FREM1: variants seen among roughly 807,000 people sequenced by gnomAD.
FREM1 encodes FRAS1-related extracellular matrix protein 1.
A neutral mutation model predicts 210.1 loss-of-function variants in FREM1; 220 were observed. The observed-to-expected ratio is 1.05, with a 90% CI of 0.94 to 1.17. FREM1 has a LOEUF of 1.17. Among genes scored for constraint, FREM1 ranks in the 50% most tolerant of loss-of-function variants. The pLI is 0.00. For missense variants in FREM1, 3,454 were observed against 2,675.5 expected (o/e 1.29, Z -6.42); for synonymous variants, 1,189 against 980.2 (o/e 1.21, Z -3.98).
rs1824694686 is a variant in FREM1 at position 14,836,777 on chromosome 9, G to T, written c.1881+4670C>A. On this transcript the variant is annotated intron_variant, in intron 10 of 36. Coordinates refer to ENST00000380880, the MANE Select transcript of FREM1 (RefSeq NM_001379081.2). The surrounding 1 kb of genome is among the most constrained non-coding windows in gnomAD (Gnocchi z 4.9). ...ATCAATCCCAGGAGGAGCCCTAACT[G>T]CTGTTCCCCATTCAACGCCCCTTTT... 6.6e-6 allele frequency among the ~76,000 whole-genome samples: 1 copy of T among 152,168 alleles called. No homozygotes were observed.
chr9:14,774,549 C>G (rs931576578), intron 25 of FREM1, among the ~76,000 whole-genome samples: 14 of 104,936 alleles, frequency 1.3e-4, no homozygotes, highest in Non-Finnish European at 1.1e-4. Context: ...CTCTCTCTCT[C>G]TCTCTCTCTC....
intron 13 of FREM1, among the ~76,000 whole-genome samples, chr9:14,821,292 T>TA (rs1320643854): frequency 2.6e-4 from 39 of 150,702 alleles, no homozygotes; most frequent in Admixed American, 1.9e-3. Flanking sequence ...AAAGTAAAAA[T>TA]AAAAAAAAAG....
At chr9:14,748,882 C>T (rs1340415464) in intron 30 of FREM1, among the ~76,000 whole-genome samples, 1 of 152,132 alleles carries the variant, frequency 6.6e-6, no homozygotes, top group Non-Finnish European at 1.5e-5. Context: ...TTCATAAACC[C>T]CAAATGAAAA....
At chr9:14,797,378 C>G (rs549846993) in intron 21 of FREM1, 120 bp downstream of exon 21, 2 of 687,860 alleles carry the variant, frequency 2.9e-6, no homozygotes, top group South Asian at 4.3e-5. Context: ...CAGGGGCAAG[C>G]TGTGACAGGA....
At chr9:14,796,396 G>A (rs1852394841) in intron 21 of FREM1, among the ~76,000 whole-genome samples, 1 of 152,210 alleles carries the variant, frequency 6.6e-6, no homozygotes, top group Non-Finnish European at 1.5e-5. Context: ...CTAAAACTCT[G>A]TTCAGTTCTG....
chr9:14,861,022 CAT>C (rs1265541501), intron 3 of FREM1, among the ~76,000 whole-genome samples: 1 of 86,572 alleles, frequency 1.2e-5, no homozygotes, highest in Non-Finnish European at 1.9e-5. Context: ...CATATATACA[CAT>C]ATATACATAT....
rs753992063 is a variant in FREM1 at position 14,805,025 on chromosome 9, C to G, written c.3402G>C (p.Glu1134Asp). ...GGTTGATTATAATAGAAAATGGTAT[C>G]TCCAAGGAGTGATGCTTCCCATCTG... ...YVTDGKHHSL[E>D]IPFSIIINPT... The change falls in exon 19 of 37, where the codon GAG becomes GAC. Residue 1134 changes from glutamate (E) to aspartate (D), a missense_variant. Glu to Asp is a conservative substitution (Grantham distance 45). Coordinates refer to ENST00000380880, the MANE Select transcript of FREM1 (RefSeq NM_001379081.2). 6 of 1,613,678 alleles carry G rather than the reference C, an allele frequency of 3.7e-6. No homozygotes were observed. The highest frequency in any genetic ancestry group is 5.1e-6 in the Non-Finnish European group (6 of 1,179,740).
At chr9:14,767,515 G>C (rs1846650249) in intron 27 of FREM1, among the ~76,000 whole-genome samples, 1 of 152,054 alleles carries the variant, frequency 6.6e-6, no homozygotes, top group South Asian at 2.1e-4. Context: ...GATTATGATG[G>C]TACCTGACTC....
intron 1 of FREM1, among the ~76,000 whole-genome samples, chr9:14,875,574 G>T (rs1216177262): frequency 1.3e-5 from 2 of 152,190 alleles, no homozygotes; most frequent in African/African-American, 2.4e-5. Flanking sequence ...TTACACATTC[G>T]TCTAAATTTT....
intron 1 of FREM1, among the ~76,000 whole-genome samples, chr9:14,877,601 A>T (rs1357030749): frequency 6.6e-6 from 1 of 152,012 alleles, no homozygotes; most frequent in African/African-American, 2.4e-5. Context: ...ACATTTTGTT[A>T]TACAGGAGAC....
chr9:14,856,875 G>A (rs998022445), intron 5 of FREM1, among the ~76,000 whole-genome samples: 1 of 151,990 alleles, frequency 6.6e-6, no homozygotes, highest in South Asian at 2.1e-4. Context: ...GTTTCAGCAG[G>A]TGCAGTTTCC....
intron 18 of FREM1, among the ~76,000 whole-genome samples, chr9:14,806,262 T>G (rs572483170): frequency 5.9e-4 from 73 of 122,786 alleles, no homozygotes; most frequent in African/African-American, 2.0e-3. Flanking sequence ...ACTTTTTTTT[T>G]TTTTTTTTTG....
At chr9:14,831,799 T>G (rs1285851831) in intron 10 of FREM1, among the ~76,000 whole-genome samples, 3 of 152,178 alleles carry the variant, frequency 2.0e-5, no homozygotes, top group Non-Finnish European at 4.4e-5. Context: ...GAGAACTGAT[T>G]GCTTGGGGAC....
At chr9:14,864,367 C>CT (rs1007075954) in intron 2 of FREM1, among the ~76,000 whole-genome samples, 28 of 151,590 alleles carry the variant, frequency 1.8e-4, no homozygotes, top group African/African-American at 5.8e-4. Flanking sequence ...CCTTTCATTT[C>CT]TTTTTTTTTC....
At chr9:14,854,377 A>G (rs1166634360) in intron 5 of FREM1, among the ~76,000 whole-genome samples, 7 of 152,162 alleles carry the variant, frequency 4.6e-5, no homozygotes, top group African/African-American at 1.2e-4. Context: ...GTCCAATTAT[A>G]TGTACCTTAC....
At chr9:14,768,195 G>T (rs1217869022) in intron 27 of FREM1, among the ~76,000 whole-genome samples, 1 of 151,926 alleles carries the variant, frequency 6.6e-6, no homozygotes, top group African/African-American at 2.4e-5. Context: ...ACACATGGAG[G>T]ACAAGAGGTG....
At position 14,869,159 on chromosome 9, in the gene FREM1, G is replaced by A; in HGVS notation, c.-182C>T. On this transcript the variant is annotated 5_prime_UTR_variant, in exon 2 of 37. Transcript: ENST00000380880. Reference sequence around the variant, plus strand: ...AAAGTCAGACAAGGGGGCCTTTCAGGCAATCCCAGGGCTTTTAATAAAACT... The same window carrying A: ...AAAGTCAGACAAGGGGGCCTTTCAGACAATCCCAGGGCTTTTAATAAAACT... The A allele has an allele frequency of 1.8e-6, 1 of 541,644 alleles. No individual in the cohort carries two copies. The highest frequency in any genetic ancestry group is 3.3e-6 in the Non-Finnish European group (1 of 305,186). 33.6% of individuals were successfully genotyped at this position (541,644 alleles called of 1,614,324 possible).
At chr9:14,904,811 C>G (rs1817407598) in intron 1 of FREM1, among the ~76,000 whole-genome samples, 1 of 152,160 alleles carries the variant, frequency 6.6e-6, no homozygotes, top group African/African-American at 2.4e-5. Flanking sequence ...TGACTCTCCT[C>G]CTTGCCACTG....
At chr9:14,780,433 G>GAAAAAAAAAAAAAA (rs58017285) in intron 24 of FREM1, among the ~76,000 whole-genome samples, 16 of 81,536 alleles carry the variant, frequency 2.0e-4, no homozygotes, top group Admixed American at 4.2e-4. Context: ...CAGCTCCTCA[G>GAAAAAAAAAAAAAA]AAAAAAAAAA....
Sources: allele counts gnomAD v4.1 joint callset (sites outside exome capture counted in the v4.1 genomes callset), GRCh38; gene constraint gnomAD v4.1.1; non-coding constraint Gnocchi (gnomAD v3.1); transcripts MANE v1.5; gene names NCBI Gene and HGNC (gene_info 2026-07-23, HGNC 2026-07-21).